The following DLG4 variants were observed in gnomAD, a reference collection of about 807,000 sequenced individuals.
The protein encoded by DLG4 is discs large MAGUK scaffold protein 4.
A neutral mutation model predicts 93.8 loss-of-function variants in DLG4; 7 were observed. That is an observed-to-expected ratio of 0.07 (90% CI 0.04 to 0.14). DLG4 has a LOEUF of 0.14. DLG4 is among the 10% of genes least tolerant of loss of function. The probability of loss-of-function intolerance (pLI) is 1.00; values close to 1 mark genes in which losing one functional copy is unlikely to be tolerated. For synonymous variants in DLG4, 341 were observed against 387.6 expected (o/e 0.88, Z 1.41); for missense variants, 545 against 992.9 (o/e 0.55, Z 6.06).
chr17:7,212,346 G>C (rs188155097), intron 1 of DLG4, among the ~76,000 whole-genome samples: 7 of 152,204 alleles, frequency 4.6e-5, no homozygotes, highest in Non-Finnish European at 1.0e-4. Flanking sequence ...ACAGAGCCTT[G>C]TTGGCCCCCC....
rs369402222 is a variant in DLG4 at position 7,193,594 on chromosome 17, G to C, written c.1592-10C>G. On this transcript the variant is annotated splice_polypyrimidine_tract_variant and intron_variant, in intron 15 of 19. Transcript: ENST00000399506. This position sits in a 1 kb window ranked among gnomAD's most constrained non-coding sequence, Gnocchi z 6.7. ...GGGCGAGCATAGTGCACTGCAGAGA[G>C]AGCCTGGCTTAGGCCGAGCGCAGGG... The C allele has an allele frequency of 9.2e-6, 14 of 1,524,702 alleles. No individual in the cohort carries two copies. The African/African-American group carries it at 1.8e-4, about 20-fold the overall frequency. 94.4% of individuals were successfully genotyped at this position (1,524,702 alleles called of 1,614,324 possible). A position where few individuals can be genotyped will look rare whatever the true frequency, so the allele number is the denominator to read the frequency against.
chr17:7,204,280 C>T, intron 2 of DLG4, 28 bp from the exon 3 acceptor site: 1 of 1,557,898 alleles, frequency 6.4e-7, no homozygotes, highest in East Asian at 2.3e-5. Flanking sequence ...AGACAAAAAG[C>T]AGCCTGAGCC....
chr17:7,202,144 T>C (rs1597467681), intron 8 of DLG4, among the ~76,000 whole-genome samples: 1 of 152,220 alleles, frequency 6.6e-6, no homozygotes, highest in South Asian at 2.1e-4. Flanking sequence ...GGCGCAATCA[T>C]TGGCTTACTG....
chr17:7,189,217 C>T lies in DLG4; in HGVS notation c.*1491G>A, dbSNP rs533534506. On this transcript the variant is annotated 3_prime_UTR_variant, in exon 20 of 20. Transcript: ENST00000399506. Reference sequence around the variant, plus strand: ...CTGTAAAGATCATTTCCAGGCCAGGCGCGGTGGCTCACGCCTGTAATCCCA... The same window carrying T: ...CTGTAAAGATCATTTCCAGGCCAGGTGCGGTGGCTCACGCCTGTAATCCCA... Among the ~76,000 whole-genome samples the T allele has an allele frequency of 4.6e-5, 7 of 151,188 alleles. No homozygotes were observed. The highest frequency in any genetic ancestry group is 2.1e-4 in the South Asian group (1 of 4,784).
rs772099517 is a variant in DLG4, at chr17:7,190,670, T to C, written c.*38A>G. On this transcript the variant is annotated 3_prime_UTR_variant, in exon 20 of 20. Transcript: ENST00000399506. ...CAGTCCAGACCAAGGGCCCAGGTGA[T>C]GGAGGCAGGGCGAGTCCAGGCCAAG... 2 of 1,536,600 alleles carry C rather than the reference T, an allele frequency of 1.3e-6. No individual in the cohort carries two copies. Among genetic ancestry groups the C allele is most frequent in the East Asian group, 4.5e-5 (2 of 44,514 alleles).
chr17:7,217,689 C>T (rs938695175), upstream of DLG4: 13 of 1,524,120 alleles, frequency 8.5e-6, no homozygotes, highest in African/African-American at 1.4e-4. Flanking sequence ...GGTGCCTTGG[C>T]AGAGTTAACT....
chr17:7,203,924 A>G lies in DLG4; in HGVS notation c.210+84T>C, dbSNP rs1429453881. The G allele has an allele frequency of 2.5e-6, 4 of 1,586,842 alleles. No homozygotes were observed. Among genetic ancestry groups the G allele is most frequent in the Non-Finnish European group, 3.4e-6 (4 of 1,166,032 alleles). On this transcript the variant is annotated intron_variant, in intron 4 of 19. Transcript: ENST00000399506. This position sits in a 1 kb window ranked among gnomAD's most constrained non-coding sequence, Gnocchi z 7.2. ...AGCCAGAGGAGGAAGGCACAGGGTGAGGGGCTAGCCACCCAGACCACATGG... is the reference window on the plus strand; with the variant it reads ...AGCCAGAGGAGGAAGGCACAGGGTGGGGGGCTAGCCACCCAGACCACATGG...
At position 7,203,477 on chromosome 17, in the gene DLG4, C is replaced by T. The variant is rs1428213359; in HGVS notation, c.452G>A (p.Arg151Gln). Residue 151 changes from arginine (R) to glutamine (Q), a missense_variant, in exon 6 of 20, where the codon CGG becomes CAG. Coordinates refer to ENST00000399506, the MANE Select transcript of DLG4 (RefSeq NM_001321075.3). This position sits in a 1 kb window ranked among gnomAD's most constrained non-coding sequence, Gnocchi z 7.2. ...CATGACCTTCTCAGCCGGGGGCTTC[C>T]GGCGCATGACATAGAGGCGAACGAT... ...GSIVRLYVMR[R>Q]KPPAEKVMEI... is the part of the protein sequence containing the mutation. The T allele has an allele frequency of 1.2e-6, 2 of 1,612,690 alleles. No individual in the cohort carries two copies. The highest frequency in any genetic ancestry group is 2.2e-5 in the South Asian group (2 of 91,054).
At chr17:7,211,631 G>A in intron 1 of DLG4, 1 of 969,722 alleles carries the variant, frequency 1.0e-6, no homozygotes. Context: ...AGGGGGAGCG[G>A]GCCGGAGCCC....
chr17:7,219,464 CTT>C, upstream of DLG4: 2 of 1,037,224 alleles, frequency 1.9e-6, no homozygotes, highest in Non-Finnish European at 2.3e-6. Context: ...GAAGAATACA[CTT>C]AGGGTACTCA....
At chr17:7,199,010 C>T (rs2069968275) in intron 8 of DLG4, among the ~76,000 whole-genome samples, 1 of 151,924 alleles carries the variant, frequency 6.6e-6, no homozygotes, top group South Asian at 2.1e-4. Flanking sequence ...CAAAGCAAGA[C>T]CTGCCTCCAA....
Position 7,187,547 on chromosome 17 carries a change from C to CAATAATAATAATAATAATAATAAT in DLG4, c.*3137_*3160dup. Among the ~76,000 whole-genome samples the CAATAATAATAATAATAATAATAAT allele has an allele frequency of 6.9e-6, 1 of 145,866 alleles. No individual in the cohort carries two copies. Among genetic ancestry groups the CAATAATAATAATAATAATAATAAT allele is most frequent in the African/African-American group, 2.5e-5 (1 of 39,644 alleles). ...GGCAACAAGAGCGAAACTCTGTCTC[C>CAATAATAATAATAATAATAATAAT]AATAATAATAATAATAATAATAATA... On this transcript the variant is annotated 3_prime_UTR_variant, in exon 20 of 20. Coordinates refer to ENST00000399506, the MANE Select transcript of DLG4 (RefSeq NM_001321075.3).
Position 7,191,611 on chromosome 17 carries a change from G to A in DLG4, c.1977-253C>T. On this transcript the variant is annotated intron_variant, in intron 18 of 19. Coordinates refer to ENST00000399506, the MANE Select transcript of DLG4 (RefSeq NM_001321075.3). This position sits in a 1 kb window ranked among gnomAD's most constrained non-coding sequence, Gnocchi z 6.6. ...CATCCTTCCAGCCTTCAGCCCCAGA[G>A]ATGGGATTCGGACTCCAATTCCCAA... 4 of 594,914 alleles carry A rather than the reference G, an allele frequency of 6.7e-6. No individual in the cohort carries two copies. The highest frequency in any genetic ancestry group is 1.2e-5 in the Non-Finnish European group (4 of 334,214). 36.9% of individuals were successfully genotyped at this position (594,914 alleles called of 1,614,324 possible).
At chr17:7,204,521 T>C (rs2142890697) in intron 2 of DLG4, 1 of 410,562 alleles carries the variant, frequency 2.4e-6, no homozygotes, top group South Asian at 5.1e-5. Flanking sequence ...GAAGGAGGTG[T>C]AGGAGAAGCG....
rs1185852834 is a variant in DLG4, at chr17:7,187,263, G to C, written c.*3445C>G. ...TTTACAAAATAATGCATGCAGGCCA[G>C]GCGCGGTGGCTCATGCCTGTAATCC... On this transcript the variant is annotated 3_prime_UTR_variant, in exon 20 of 20. Coordinates refer to ENST00000399506, the MANE Select transcript of DLG4 (RefSeq NM_001321075.3). 1.3e-5 allele frequency among the ~76,000 whole-genome samples: 1 copy of C among 75,294 alleles called. No individual in the cohort carries two copies. The highest frequency in any genetic ancestry group is 1.2e-4 in the Admixed American group (1 of 8,002). The allele number at this position is 75,294 out of a possible 152,430, so 49.4% of individuals were successfully genotyped here. A position where few individuals can be genotyped will look rare whatever the true frequency, so the allele number is the denominator to read the frequency against.
At position 7,196,232 on chromosome 17, in the gene DLG4, C is replaced by A; in HGVS notation, c.1289G>T (p.Gly430Val). 1 of 1,613,806 alleles carries A rather than the reference C, an allele frequency of 6.2e-7. No homozygotes were observed. Among genetic ancestry groups the A allele is most frequent in the Non-Finnish European group, 8.5e-7 (1 of 1,179,754 alleles). The part of the protein sequence containing the change: ...TASLRSNPKR[G>V]FYIRALFDYD... ...GGAAGCCTCTGACCTGATGTAGAAA[C>A]CCCTTTTGGGGTTGCTCCGCAGGGA... The change falls in exon 11 of 20, where the codon GGT becomes GTT. Residue 430 changes from glycine to valine, a missense_variant. Around this residue, in one of 5 missense-constraint regions of DLG4, gnomAD observed 428 missense variants for 741.4 expected, o/e 0.58. Coordinates refer to ENST00000399506, the MANE Select transcript of DLG4 (RefSeq NM_001321075.3). This position sits in a 1 kb window ranked among gnomAD's most constrained non-coding sequence, Gnocchi z 8.3.
chr17:7,204,961 T>A, intron 2 of DLG4: 1 of 985,538 alleles, frequency 1.0e-6, no homozygotes. Flanking sequence ...GGAGGCCCTG[T>A]CGTCAGGACA....
In DLG4 at chr17:7,191,476, T is replaced by C; in HGVS notation, c.1977-118A>G. 2 of 816,486 alleles carry C rather than the reference T, an allele frequency of 2.4e-6. No homozygotes were observed. The highest frequency in any genetic ancestry group is 1.5e-5 in the South Asian group (1 of 64,560). The allele number at this position is 816,486 out of a possible 1,614,324, so 50.6% of individuals were successfully genotyped here. A position where few individuals can be genotyped will look rare whatever the true frequency, so the allele number is the denominator to read the frequency against. On this transcript the variant is annotated intron_variant, in intron 18 of 19. Transcript: ENST00000399506. The surrounding 1 kb of genome is among the most constrained non-coding windows in gnomAD (Gnocchi z 6.6). ...TTGGAGCACATAGCAAAAAAAAAAA[T>C]ACAATTCCCAATATCCTCTGGGGCC...
intron 8 of DLG4, among the ~76,000 whole-genome samples, chr17:7,198,511 T>G (rs1031237934): frequency 7.1e-6 from 1 of 141,454 alleles, no homozygotes; most frequent in Non-Finnish European, 1.5e-5. Context: ...TTCCTCCAGC[T>G]TGGGTAACAT....
Sources: gnomAD v4.1 joint callset for allele counts (sites outside exome capture counted in the v4.1 genomes callset) on GRCh38, gnomAD v4.1.1 for gene constraint, gnomAD v4.1.1 regional missense constraint, Gnocchi (gnomAD v3.1) non-coding constraint, MANE v1.5 for transcripts, NCBI Gene and HGNC (gene_info 2026-07-23, HGNC 2026-07-21) for gene names.